The following PABPC4L variants were observed in gnomAD, a reference collection of about 807,000 sequenced individuals.
PABPC4L encodes the protein polyadenylate-binding protein 4-like.
For missense variants in PABPC4L, 452 were observed against 451.4 expected, an observed-to-expected ratio of 1.00 and a Z score of -0.01; for synonymous variants, 169 against 164.1, an observed-to-expected ratio of 1.03 and a Z score of -0.23.
chr4:133,957,566 C>T, the PABPC4L span, among the ~76,000 whole-genome samples: 2 of 152,190 alleles, frequency 1.3e-5, no homozygotes, highest in Non-Finnish European at 2.9e-5. Context: ...CTTCTTACAG[C>T]CCCACTAGGC....
the PABPC4L span, among the ~76,000 whole-genome samples, chr4:134,109,190 C>T: frequency 2.0e-5 from 3 of 151,966 alleles, no homozygotes; most frequent in South Asian, 6.2e-4. Flanking sequence ...TCTTTAAACA[C>T]AAATTACAAT....
chr4:134,007,929 A>G, the PABPC4L span, among the ~76,000 whole-genome samples: 1 of 151,828 alleles, frequency 6.6e-6, no homozygotes, highest in African/African-American at 2.4e-5. Flanking sequence ...ATTTTAAAAG[A>G]GAAATAGTAA....
chr4:134,054,842 G>T, the PABPC4L span, among the ~76,000 whole-genome samples: 6 of 151,986 alleles, frequency 3.9e-5, no homozygotes, highest in Non-Finnish European at 8.8e-5. Context: ...TTCATGTACA[G>T]GTTTTTGTGT....
chr4:134,057,821 C>A, the PABPC4L span, among the ~76,000 whole-genome samples: 3 of 152,036 alleles, frequency 2.0e-5, no homozygotes, highest in African/African-American at 7.2e-5. Context: ...TTCTTTCTAC[C>A]TTTCAGTCTT....
the PABPC4L span, among the ~76,000 whole-genome samples, chr4:134,174,942 C>T: frequency 2.0e-5 from 3 of 152,044 alleles, no homozygotes; most frequent in South Asian, 2.1e-4. Context: ...ATGTTTCCTA[C>T]GTCTGTCCTT....
the PABPC4L span, among the ~76,000 whole-genome samples, chr4:133,961,057 A>G: frequency 2.0e-5 from 3 of 152,124 alleles, no homozygotes; most frequent in Non-Finnish European, 4.4e-5. Context: ...CCTTACTACC[A>G]CAGCTGATGC....
At chr4:134,167,716 G>A in the PABPC4L span, among the ~76,000 whole-genome samples, 1 of 151,540 alleles carries the variant, frequency 6.6e-6, no homozygotes, top group East Asian at 1.9e-4. Flanking sequence ...AATAATAAAG[G>A]GGTCAACTCA....
At chr4:134,156,193 G>A in the PABPC4L span, among the ~76,000 whole-genome samples, 9 of 151,834 alleles carry the variant, frequency 5.9e-5, no homozygotes, top group Non-Finnish European at 1.3e-4. Flanking sequence ...TTAGTTTTAA[G>A]GTCCTCTTTG....
chr4:133,991,498 G>A, the PABPC4L span, among the ~76,000 whole-genome samples: 1 of 152,128 alleles, frequency 6.6e-6, no homozygotes, highest in Non-Finnish European at 1.5e-5. Flanking sequence ...GGGCTTGCAG[G>A]CATGTAAGAA....
chr4:134,148,776 C>CT, the PABPC4L span, among the ~76,000 whole-genome samples: 1 of 152,048 alleles, frequency 6.6e-6, no homozygotes, highest in Non-Finnish European at 1.5e-5. Flanking sequence ...ATACTAACTC[C>CT]TTTTTTGTGT....
At chr4:134,083,253 C>T in the PABPC4L span, among the ~76,000 whole-genome samples, 37 of 152,282 alleles carry the variant, frequency 2.4e-4, no homozygotes, top group African/African-American at 8.2e-4. Context: ...TTATCCTCCA[C>T]TTTCCTTTGA....
At chr4:134,149,903 T>C in the PABPC4L span, among the ~76,000 whole-genome samples, 1 of 152,128 alleles carries the variant, frequency 6.6e-6, no homozygotes, top group Admixed American at 6.5e-5. Flanking sequence ...CTAAAGTTTA[T>C]TCTCTACTGC....
the PABPC4L span, among the ~76,000 whole-genome samples, chr4:134,092,293 T>G: frequency 6.6e-6 from 1 of 151,932 alleles, no homozygotes; most frequent in Non-Finnish European, 1.5e-5. Context: ...AGCAGAGTGG[T>G]GTGGCAGAGA....
chr4:134,060,435 C>G, the PABPC4L span, among the ~76,000 whole-genome samples: 1 of 151,326 alleles, frequency 6.6e-6, no homozygotes, highest in Non-Finnish European at 1.5e-5. Context: ...AGATCAGAAC[C>G]CATCCTTCTG....
At chr4:134,186,116 G>T in the PABPC4L span, among the ~76,000 whole-genome samples, 1 of 152,070 alleles carries the variant, frequency 6.6e-6, no homozygotes, top group Non-Finnish European at 1.5e-5. Flanking sequence ...ACTGTCCAAG[G>T]TAATTTACAG....
chr4:134,160,107 G>A, the PABPC4L span, among the ~76,000 whole-genome samples: 1 of 152,204 alleles, frequency 6.6e-6, no homozygotes, highest in East Asian at 1.9e-4. Flanking sequence ...GAATAAAAAT[G>A]AGTGGCAGCT....
At chr4:134,175,013 T>C in the PABPC4L span, among the ~76,000 whole-genome samples, 5 of 152,128 alleles carry the variant, frequency 3.3e-5, no homozygotes, top group African/African-American at 1.2e-4. Context: ...ATGTGTTTAA[T>C]ACTTGGCCAC....
At chr4:134,111,097 CT>C in the PABPC4L span, among the ~76,000 whole-genome samples, 8 of 151,978 alleles carry the variant, frequency 5.3e-5, no homozygotes, top group Admixed American at 5.3e-4. Flanking sequence ...TTTCAGTTAT[CT>C]GGTAAGGGTC....
chr4:134,099,871 A>G, the PABPC4L span, among the ~76,000 whole-genome samples: 1 of 151,714 alleles, frequency 6.6e-6, no homozygotes, highest in Non-Finnish European at 1.5e-5. Flanking sequence ...AGCAATTCTA[A>G]CACCTATCCA....
Sources: allele counts gnomAD v4.1 joint callset (sites outside exome capture counted in the v4.1 genomes callset), GRCh38; gene constraint gnomAD v4.1.1; transcripts MANE v1.5; gene names NCBI Gene and HGNC (gene_info 2026-07-23, HGNC 2026-07-21).